NAALADL2: variants seen among roughly 807,000 people sequenced by gnomAD.
The protein encoded by NAALADL2 is N-acetylated alpha-linked acidic dipeptidase like 2.
A neutral mutation model predicts 87.2 loss-of-function variants in NAALADL2; 76 were observed. The observed-to-expected ratio is 0.87, with a 90% CI of 0.72 to 1.05. The LOEUF is 1.05. Ranked by LOEUF, NAALADL2 falls within the 50% of genes least tolerant of loss-of-function variation. The pLI, the probability that NAALADL2 is intolerant of heterozygous loss-of-function variation, is 0.00. For synonymous variants in NAALADL2, 354 were observed against 331.0 expected, an observed-to-expected ratio of 1.07 and a Z score of -0.75; for missense variants, 1,089 against 945.8, an observed-to-expected ratio of 1.15 and a Z score of -1.99.
intron 2 of NAALADL2, among the ~76,000 whole-genome samples, chr3:174,668,839 G>A (rs1726231841): frequency 6.6e-6 from 1 of 152,140 alleles, no homozygotes; most frequent in African/African-American, 2.4e-5. Flanking sequence ...CATTTGGGTT[G>A]GTTCCAAGTC....
At chr3:174,672,069 T>G (rs1480517801) in intron 2 of NAALADL2, among the ~76,000 whole-genome samples, 1 of 152,006 alleles carries the variant, frequency 6.6e-6, no homozygotes, top group Non-Finnish European at 1.5e-5. Flanking sequence ...ACTAAGAATA[T>G]TCTAAATATC....
At chr3:174,488,885 C>A (rs1718018747) in intron 1 of NAALADL2, among the ~76,000 whole-genome samples, 1 of 152,082 alleles carries the variant, frequency 6.6e-6, no homozygotes, top group Admixed American at 6.6e-5. Context: ...CATCTAAAAT[C>A]TTTCCATAGC....
intron 4 of NAALADL2, among the ~76,000 whole-genome samples, chr3:175,275,703 A>G (rs911394329): frequency 6.6e-6 from 1 of 152,076 alleles, no homozygotes; most frequent in African/African-American, 2.4e-5. Flanking sequence ...TAAGAGCTCA[A>G]AATTTAACCA....
intron 11 of NAALADL2, 27 bp downstream of exon 11, chr3:175,627,413 G>C: frequency 7.2e-7 from 1 of 1,393,086 alleles, no homozygotes; most frequent in South Asian, 1.3e-5. Flanking sequence ...TTCAAAAATA[G>C]GTGAGAAATA....
At chr3:174,904,565 G>T (rs1337601361) in intron 1 of NAALADL2, among the ~76,000 whole-genome samples, 2 of 132,134 alleles carry the variant, frequency 1.5e-5, no homozygotes, top group African/African-American at 6.4e-5. Context: ...AAAACATCAA[G>T]AACATACTAA....
chr3:174,441,397 G>T (rs1714606666), intron 1 of NAALADL2, among the ~76,000 whole-genome samples: 1 of 152,056 alleles, frequency 6.6e-6, no homozygotes, highest in Admixed American at 6.5e-5. Context: ...CCGAGTCCCC[G>T]CTTCTGACAC....
intron 9 of NAALADL2, among the ~76,000 whole-genome samples, chr3:175,527,346 G>A (rs1733556321): frequency 6.6e-6 from 1 of 152,080 alleles, no homozygotes; most frequent in African/African-American, 2.4e-5. Context: ...TATAATCTAG[G>A]TTAATGATGG....
At chr3:175,226,770 A>C (rs17532271) in intron 2 of NAALADL2, among the ~76,000 whole-genome samples, 1 of 152,160 alleles carries the variant, frequency 6.6e-6, no homozygotes, top group Non-Finnish European at 1.5e-5. Context: ...CTCTGTTGCA[A>C]GGGAAGGCTA....
upstream of NAALADL2, among the ~76,000 whole-genome samples, chr3:174,855,123 G>T (rs1294791196): frequency 6.6e-6 from 1 of 152,138 alleles, no homozygotes; most frequent in African/African-American, 2.4e-5. Context: ...ACAGGCGTGA[G>T]TCACTGTGCC....
chr3:175,281,118 AAATATAT>A, intron 4 of NAALADL2, among the ~76,000 whole-genome samples: 1 of 150,164 alleles, frequency 6.7e-6, no homozygotes, highest in East Asian at 1.9e-4. Context: ...AACTTAAAAA[AAATATAT>A]ATATATATAA....
chr3:175,322,987 G>A (rs1241427587), intron 4 of NAALADL2, among the ~76,000 whole-genome samples: 1 of 151,584 alleles, frequency 6.6e-6, no homozygotes, highest in Non-Finnish European at 1.5e-5. Context: ...CCCATTACTG[G>A]GTATATACCC....
chr3:175,801,898 A>C (rs1047879697), intron 13 of NAALADL2, among the ~76,000 whole-genome samples: 4 of 152,076 alleles, frequency 2.6e-5, no homozygotes, highest in African/African-American at 9.7e-5. Context: ...AATTTGACTA[A>C]GTTACAGGGC....
chr3:175,084,366 T>C (rs1048893277), intron 1 of NAALADL2, among the ~76,000 whole-genome samples: 1 of 152,118 alleles, frequency 6.6e-6, no homozygotes, highest in Admixed American at 6.5e-5. Flanking sequence ...AGGGTCGAGA[T>C]AGCTTCATTC....
chr3:174,750,286 A>C (rs892250512), intron 3 of NAALADL2, among the ~76,000 whole-genome samples: 1 of 152,190 alleles, frequency 6.6e-6, no homozygotes, highest in Non-Finnish European at 1.5e-5. Flanking sequence ...CTATTGTCCT[A>C]AAGTTAGGAA....
chr3:175,574,322 C>G (rs1050153249), intron 9 of NAALADL2, among the ~76,000 whole-genome samples: 4 of 152,122 alleles, frequency 2.6e-5, no homozygotes, highest in African/African-American at 4.8e-5. Context: ...GAGGGTCTAG[C>G]TTAAATAGGG....
At chr3:174,969,971 A>C (rs1469522318) in intron 1 of NAALADL2, among the ~76,000 whole-genome samples, 1 of 152,236 alleles carries the variant, frequency 6.6e-6, no homozygotes, top group African/African-American at 2.4e-5. Context: ...CAAAACAGCA[A>C]GTCAGATGTT....
intron 11 of NAALADL2, among the ~76,000 whole-genome samples, chr3:175,680,103 C>T (rs1469285586): frequency 1.3e-5 from 2 of 152,150 alleles, no homozygotes; most frequent in East Asian, 1.9e-4. Flanking sequence ...AGGTTGACAG[C>T]GATTCCTTAA....
At chr3:175,621,419 C>G (rs1239708570) in intron 10 of NAALADL2, among the ~76,000 whole-genome samples, 2 of 152,152 alleles carry the variant, frequency 1.3e-5, no homozygotes, top group African/African-American at 4.8e-5. Context: ...GTTTTATACC[C>G]CTTTCAAGTG....
At chr3:174,814,252 G>A (rs866326179) in intron 3 of NAALADL2, among the ~76,000 whole-genome samples, 1 of 151,990 alleles carries the variant, frequency 6.6e-6, no homozygotes, top group African/African-American at 2.4e-5. Flanking sequence ...GAGACTACAG[G>A]TGCCTACCGC....
Sources: allele counts gnomAD v4.1 joint callset (sites outside exome capture counted in the v4.1 genomes callset), GRCh38; gene constraint gnomAD v4.1.1; transcripts MANE v1.5; gene names NCBI Gene and HGNC (gene_info 2026-07-23, HGNC 2026-07-21).